LRP1B: variants seen among roughly 807,000 people sequenced by gnomAD.
LRP1B encodes low-density lipoprotein receptor-related protein 1B.
In LRP1B, 217 loss-of-function variants were observed where a neutral mutation model predicts 556.6. The observed-to-expected ratio is 0.39, with a 90% CI of 0.35 to 0.44. The LOEUF is 0.44. LRP1B is among the 20% of genes least tolerant of loss of function. The pLI is 1.00. For missense variants in LRP1B, 5,053 were observed against 5,620.8 expected (o/e 0.90, Z 3.23); for synonymous variants, 2,047 against 1,865.8 (o/e 1.10, Z -2.50).
intron 3 of LRP1B, among the ~76,000 whole-genome samples, chr2:141,349,804 A>G (rs1481514732): frequency 6.6e-6 from 1 of 152,100 alleles, no homozygotes; most frequent in African/African-American, 2.4e-5. Context: ...ACATGCTCTG[A>G]GTTTTCTTTC....
At chr2:140,727,202 G>A (rs288101) in intron 35 of LRP1B, among the ~76,000 whole-genome samples, 147,790 of 152,274 alleles carry the variant, frequency 0.97, 71,819 homozygotes, top group Middle Eastern at 1. Flanking sequence ...GCAATGAAAA[G>A]GAAAGGCTTA....
At chr2:141,306,217 T>C (rs1449018964) in intron 3 of LRP1B, among the ~76,000 whole-genome samples, 3 of 151,858 alleles carry the variant, frequency 2.0e-5, no homozygotes, top group Admixed American at 6.6e-5. Context: ...TTGAGGAAAA[T>C]TGGTACTCAT....
chr2:140,527,661 C>T (rs1243679776), intron 47 of LRP1B, among the ~76,000 whole-genome samples: 1 of 114,026 alleles, frequency 8.8e-6, no homozygotes, highest in Non-Finnish European at 1.8e-5. Flanking sequence ...GAGATAAATG[C>T]ATTGTTCCAA....
chr2:141,121,182 G>A (rs1037244758), intron 7 of LRP1B, among the ~76,000 whole-genome samples: 9 of 151,966 alleles, frequency 5.9e-5, no homozygotes, highest in African/African-American at 2.2e-4. Flanking sequence ...AAGCCTCATG[G>A]AGTTATTGTC....
intron 43 of LRP1B, among the ~76,000 whole-genome samples, chr2:140,592,051 T>A (rs1269115767): frequency 6.6e-6 from 1 of 152,192 alleles, no homozygotes; most frequent in African/African-American, 2.4e-5. Flanking sequence ...CACTTTCTCA[T>A]GTTTCCTTTG....
At chr2:141,619,146 C>T (rs935071579) in intron 2 of LRP1B, among the ~76,000 whole-genome samples, 8 of 152,286 alleles carry the variant, frequency 5.3e-5, no homozygotes, top group South Asian at 2.1e-4. Context: ...ATGCCACTCC[C>T]CACCTCAACC....
At chr2:141,187,444 C>T (rs1033132323) in intron 7 of LRP1B, among the ~76,000 whole-genome samples, 3 of 152,044 alleles carry the variant, frequency 2.0e-5, no homozygotes, top group African/African-American at 4.8e-5. Context: ...TTCCATCAGA[C>T]ATTTCAGCCT....
intron 66 of LRP1B, among the ~76,000 whole-genome samples, chr2:140,407,853 A>T (rs1684810735): frequency 2.0e-5 from 3 of 152,010 alleles, no homozygotes; most frequent in Admixed American, 1.3e-4. Flanking sequence ...AAAAGAAGTC[A>T]TTATATGAAA....
rs1473207458 is a variant in LRP1B at position 140,840,921 on chromosome 2, C to T, written c.5111G>A (p.Arg1704Lys). 3.1e-6 allele frequency: 5 copies of T among 1,599,272 alleles called. No homozygotes were observed. Among genetic ancestry groups the T allele is most frequent in the Non-Finnish European group, 4.3e-6 (5 of 1,173,652 alleles). ...TAAAAAAAAAATCATACTTTACCCC[C>T]TGACTGGGTGAGCTGCAAGACACTG... ...KPQCLAAHPV[R>K]GKLYWTDGNT... Residue 1704 changes from arginine (R) to lysine (K), a missense_variant, in exon 30 of 91, where the codon AGG (arginine) becomes AAG (lysine). Transcript: ENST00000389484.
chr2:140,950,722 C>T (rs573826737), intron 19 of LRP1B, among the ~76,000 whole-genome samples: 9 of 152,132 alleles, frequency 5.9e-5, no homozygotes, highest in African/African-American at 1.4e-4. Flanking sequence ...AAACTCTTGG[C>T]CTCAAGCAAT....
At chr2:140,583,202 A>C (rs1681851268) in intron 43 of LRP1B, among the ~76,000 whole-genome samples, 2 of 112,458 alleles carry the variant, frequency 1.8e-5, no homozygotes, top group African/African-American at 3.8e-5. Flanking sequence ...TTGAGACAGC[A>C]TCTCTCTCTG....
intron 6 of LRP1B, among the ~76,000 whole-genome samples, chr2:141,209,486 C>T (rs1307826472): frequency 1.3e-5 from 2 of 152,166 alleles, no homozygotes; most frequent in Non-Finnish European, 2.9e-5. Flanking sequence ...CAGGTATCTT[C>T]TTATCAGCAG....
intron 41 of LRP1B, among the ~76,000 whole-genome samples, chr2:140,653,644 A>G (rs1684767107): frequency 6.6e-6 from 1 of 152,152 alleles, no homozygotes; most frequent in Admixed American, 6.5e-5. Context: ...ATATGTGACC[A>G]TATTATAAAG....
At chr2:140,862,655 C>T (rs547697334) in intron 27 of LRP1B, among the ~76,000 whole-genome samples, 3 of 152,284 alleles carry the variant, frequency 2.0e-5, no homozygotes, top group East Asian at 3.9e-4. Flanking sequence ...TCAGCCACCT[C>T]CTGATCTACT....
At chr2:140,558,332 A>T (rs1224480488) in intron 43 of LRP1B, among the ~76,000 whole-genome samples, 1 of 152,216 alleles carries the variant, frequency 6.6e-6, no homozygotes, top group African/African-American at 2.4e-5. Flanking sequence ...TATTTATAGT[A>T]GTCAAAAAGT....
rs186603597 is a variant in LRP1B, at chr2:141,567,946, G to A, written c.206-87413C>T. 1.3e-3 allele frequency among the ~76,000 whole-genome samples: 193 copies of A among 150,088 alleles called. 1 individual carries two copies. The highest frequency in any genetic ancestry group is 4.4e-3 in the African/African-American group (183 of 41,440). ...AGCTATAGGGGAGCAAACGGTGATTGTCCAAATTTGTGCCTGATATTATTG... is the reference window on the plus strand; with the variant it reads ...AGCTATAGGGGAGCAAACGGTGATTATCCAAATTTGTGCCTGATATTATTG... On this transcript the variant is annotated intron_variant, in intron 2 of 90. Transcript: ENST00000389484.
intron 84 of LRP1B, among the ~76,000 whole-genome samples, chr2:140,281,092 T>A (rs1402304714): frequency 6.6e-6 from 1 of 151,874 alleles, no homozygotes; most frequent in Non-Finnish European, 1.5e-5. Flanking sequence ...TCAAGGGAGA[T>A]CATTATTGCA....
At chr2:140,417,530 G>A (rs949141651) in intron 66 of LRP1B, among the ~76,000 whole-genome samples, 4 of 152,142 alleles carry the variant, frequency 2.6e-5, no homozygotes, top group African/African-American at 9.7e-5. Flanking sequence ...TTTTTCAGGA[G>A]GATGTGCACG....
At chr2:140,872,360 ATTTTTTTTTTTT>A (rs59469282) in intron 25 of LRP1B, among the ~76,000 whole-genome samples, 1 of 60,496 alleles carries the variant, frequency 1.7e-5, no homozygotes, top group African/African-American at 6.8e-5. Flanking sequence ...GTGTCACCTG[ATTTTTTTTTTTT>A]TTTTTTTTTT....
Sources: gnomAD v4.1 joint callset for allele counts (sites outside exome capture counted in the v4.1 genomes callset) on GRCh38, gnomAD v4.1.1 for gene constraint, MANE v1.5 for transcripts, NCBI Gene and HGNC (gene_info 2026-07-23, HGNC 2026-07-21) for gene names.